The following SEM1 variants were observed in gnomAD, a reference collection of about 807,000 sequenced individuals.
SEM1 encodes 26S proteasome complex subunit SEM1.
In SEM1, 3 loss-of-function variants were observed where a neutral mutation model predicts 12.7. That is an observed-to-expected ratio of 0.24 (90% CI 0.11 to 0.61). The LOEUF (loss-of-function observed/expected upper bound fraction) is 0.61, where lower values mean the gene tolerates loss of function less well. SEM1 is among the 20% of genes least tolerant of loss of function. The pLI, the probability that SEM1 is intolerant of heterozygous loss-of-function variation, is 0.88. For synonymous variants in SEM1, 30 were observed against 27.8 expected (o/e 1.08, Z -0.25); for missense variants, 59 against 81.3 (o/e 0.73, Z 1.06).
At chr7:96,552,877 G>C (rs1484884618) in intron 2 of SEM1, among the ~76,000 whole-genome samples, 1 of 149,022 alleles carries the variant, frequency 6.7e-6, no homozygotes, top group African/African-American at 2.5e-5. Flanking sequence ...ACTTTTTAAT[G>C]ATTGCCATTC....
chr7:96,542,324 G>A (rs956737766), intron 2 of SEM1, among the ~76,000 whole-genome samples: 1 of 151,672 alleles, frequency 6.6e-6, no homozygotes, highest in Non-Finnish European at 1.5e-5. Flanking sequence ...CACCTTATTG[G>A]TTACATATAT....
At chr7:96,651,128 A>G (rs1211073032) in intron 2 of SEM1, among the ~76,000 whole-genome samples, 1 of 152,292 alleles carries the variant, frequency 6.6e-6, no homozygotes, top group South Asian at 2.1e-4. Flanking sequence ...TCTTATTAGT[A>G]TTGCCATAAA....
At position 96,709,710 on chromosome 7, in the gene SEM1, C is replaced by G. The variant is rs1790590539; in HGVS notation, c.54G>C (p.Glu18Asp). The G allele has an allele frequency of 6.2e-7, 1 of 1,613,858 alleles. No individual in the cohort carries two copies. Among genetic ancestry groups the G allele is most frequent in the Non-Finnish European group, 8.5e-7 (1 of 1,179,906 alleles). ...TACCTTCGGCAGGGAACTCTTCAAACTCGTCGTCTTCCTCTAACAGACCTA... is the reference window on the plus strand; with the variant it reads ...TACCTTCGGCAGGGAACTCTTCAAAGTCGTCGTCTTCCTCTAACAGACCTA... The part of the protein sequence containing the change: ...VDLGLLEEDD[E>D]FEEFPAEDWA... The change falls in exon 1 of 3, where the codon GAG (glutamate) becomes GAC (aspartate). Residue 18 changes from glutamate to aspartate, a missense_variant. Glu to Asp is a conservative substitution (Grantham distance 45). Coordinates refer to ENST00000248566, the MANE Select transcript of SEM1 (RefSeq NM_006304.2).
chr7:96,607,866 T>C (rs1385480525), intron 2 of SEM1, among the ~76,000 whole-genome samples: 1 of 152,224 alleles, frequency 6.6e-6, no homozygotes, highest in African/African-American at 2.4e-5. Context: ...TGGGGCACCT[T>C]CCCTTTTTAT....
At chr7:96,535,568 A>C (rs1158805547) in intron 2 of SEM1, among the ~76,000 whole-genome samples, 16 of 151,876 alleles carry the variant, frequency 1.1e-4, no homozygotes. Context: ...TCACCCAGGC[A>C]CTAAGCATAG....
chr7:96,643,636 C>T lies in SEM1; in HGVS notation c.171-20993G>A, dbSNP rs372568367. Among the ~76,000 whole-genome samples, 192 of 152,086 alleles carry T rather than the reference C, an allele frequency of 1.3e-3. 1 individual carries two copies. Among genetic ancestry groups the T allele is most frequent in the African/African-American group, 3.4e-3 (143 of 41,506 alleles). The stretch of plus-strand genomic sequence containing the variant: ...AATACTATGCAGCCATAAAAAAGGA[C>T]GAGTTCACATCCTTTGCAGGGACAT... On this transcript the variant is annotated intron_variant, in intron 2 of 2. Transcript: ENST00000417009.
intron 2 of SEM1, among the ~76,000 whole-genome samples, chr7:96,607,123 T>C (rs1472904426): frequency 6.6e-6 from 1 of 152,226 alleles, no homozygotes; most frequent in African/African-American, 2.4e-5. Context: ...GTACCTATTA[T>C]GTGCCAGAAA....
upstream of SEM1, among the ~76,000 whole-genome samples, chr7:96,498,216 C>T (rs952820787): frequency 6.6e-6 from 1 of 152,148 alleles, no homozygotes; most frequent in Non-Finnish European, 1.5e-5. Flanking sequence ...TAGGCTCATG[C>T]TTTTAAGCAA....
chr7:96,491,385 C>T lies in SEM1; in HGVS notation c.12+4899G>A, dbSNP rs190941123. On this transcript the variant is annotated intron_variant, in intron 1 of 3. Transcript: ENST00000356686. ...TAGGCTTTTAACATGTCTTACTTCT[C>T]CCTTGAACCTCCTTCTCTATCAATG... 9.8e-4 allele frequency among the ~76,000 whole-genome samples: 150 copies of T among 152,316 alleles called. 1 individual carries two copies. Among genetic ancestry groups the T allele is most frequent in the African/African-American group, 3.6e-3 (149 of 41,566 alleles).
At chr7:96,590,624 T>C (rs139122499) in intron 2 of SEM1, among the ~76,000 whole-genome samples, 4 of 152,298 alleles carry the variant, frequency 2.6e-5, no homozygotes, top group African/African-American at 9.6e-5. Flanking sequence ...TAGTAATTGA[T>C]AAAAGTTTAG....
intron 2 of SEM1, among the ~76,000 whole-genome samples, chr7:96,632,894 C>A (rs1303611778): frequency 2.6e-5 from 4 of 151,162 alleles, no homozygotes; most frequent in South Asian, 4.2e-4. Flanking sequence ...CTTACCAATC[C>A]TGTACCTTGA....
intron 1 of SEM1, among the ~76,000 whole-genome samples, chr7:96,703,972 AACACACACACACACACACAC>A (rs67174798): frequency 0.02 from 2,795 of 142,184 alleles, 33 homozygotes; most frequent in Non-Finnish European, 0.029. Context: ...GTCTCTTAAA[AACACACACACACACACACAC>A]ACACACACAC....
chr7:96,487,115 T>C (rs1802802776), intron 1 of SEM1, among the ~76,000 whole-genome samples: 1 of 140,124 alleles, frequency 7.1e-6, no homozygotes, highest in Non-Finnish European at 1.5e-5. Flanking sequence ...TTCTAGATTA[T>C]AGGGCTGGGA....
At chr7:96,602,693 T>C (rs1219816130) in intron 2 of SEM1, among the ~76,000 whole-genome samples, 2 of 152,208 alleles carry the variant, frequency 1.3e-5, no homozygotes, top group Non-Finnish European at 2.9e-5. Context: ...ATTGGGTCCA[T>C]TGGTAAATCT....
At chr7:96,613,127 C>A (rs1807595153) in intron 2 of SEM1, among the ~76,000 whole-genome samples, 1 of 151,924 alleles carries the variant, frequency 6.6e-6, no homozygotes, top group South Asian at 2.1e-4. Context: ...TAGAGGAGAC[C>A]TTTTGGGGTT....
chr7:96,685,597 G>A (rs935416783), downstream of SEM1, among the ~76,000 whole-genome samples: 2 of 151,892 alleles, frequency 1.3e-5, no homozygotes. Context: ...GAGTGACTAT[G>A]GGCAAATTAT....
At chr7:96,679,741 AAG>A (rs1422462820) in intron 2 of SEM1, among the ~76,000 whole-genome samples, 1 of 152,174 alleles carries the variant, frequency 6.6e-6, no homozygotes. Flanking sequence ...AAGAAAGGCA[AAG>A]CCCATCTCCC....
intron 2 of SEM1, among the ~76,000 whole-genome samples, chr7:96,683,209 A>C (rs1162795988): frequency 6.6e-6 from 1 of 151,628 alleles, no homozygotes. Context: ...GAAATACTAG[A>C]AAAGTGGGTG....
At chr7:96,484,408 A>G (rs1802669224) in intron 3 of SEM1, among the ~76,000 whole-genome samples, 1 of 152,208 alleles carries the variant, frequency 6.6e-6, no homozygotes, top group Admixed American at 6.5e-5. Flanking sequence ...GTGAAGATGA[A>G]TGAGAAGCTC....
Sources: gnomAD v4.1 joint callset for allele counts (sites outside exome capture counted in the v4.1 genomes callset) on GRCh38, gnomAD v4.1.1 for gene constraint, MANE v1.5 for transcripts, NCBI Gene and HGNC (gene_info 2026-07-23, HGNC 2026-07-21) for gene names.